AKAP9: variants seen among roughly 807,000 people sequenced by gnomAD.
The protein encoded by AKAP9 is A-kinase anchor protein 9.
Under a neutral mutation model 488.5 loss-of-function variants are expected in AKAP9, and 311 were observed. The observed-to-expected ratio is 0.64, with a 90% CI of 0.58 to 0.70. The LOEUF is 0.70. AKAP9 is among the 30% of genes least tolerant of loss of function. AKAP9 has a pLI of 0.00. For missense variants in AKAP9, 4,215 were observed against 4,374.5 expected, an observed-to-expected ratio of 0.96 and a Z score of 1.03; for synonymous variants, 1,462 against 1,483.5, an observed-to-expected ratio of 0.99 and a Z score of 0.33.
chr7:91,981,603 CTT>C (rs532220900), intron 3 of AKAP9, among the ~76,000 whole-genome samples: 260 of 106,616 alleles, frequency 2.4e-3, no homozygotes, highest in African/African-American at 6.7e-3. Context: ...TCTTGTATTT[CTT>C]TTTTTTTTTT....
chr7:92,037,841 CTA>C (rs1249178089), intron 16 of AKAP9, among the ~76,000 whole-genome samples: 2 of 152,174 alleles, frequency 1.3e-5, no homozygotes, highest in Non-Finnish European at 2.9e-5. Context: ...TGGAATCACT[CTA>C]AATGTCCAAT....
intron 3 of AKAP9, among the ~76,000 whole-genome samples, chr7:91,982,940 T>C (rs998510210): frequency 1.3e-5 from 2 of 152,192 alleles, no homozygotes; most frequent in Admixed American, 1.3e-4. Flanking sequence ...TGATGACCAG[T>C]GTTGATCATT....
At chr7:92,042,344 C>G (rs114496499) in intron 19 of AKAP9, among the ~76,000 whole-genome samples, 158 bp downstream of exon 19, 60 of 152,306 alleles carry the variant, frequency 3.9e-4, no homozygotes, top group African/African-American at 1.4e-3. Context: ...AAATGCCTTA[C>G]ATTTCATTTA....
rs781744583 is a variant in AKAP9 at position 92,097,286 on chromosome 7, T to C, written c.10327T>C (p.Phe3443Leu). 6.8e-6 allele frequency: 11 copies of C among 1,613,926 alleles called. No homozygotes were observed. In the Admixed American group the frequency reaches 1.8e-4, roughly 27 times the overall value. The change falls in exon 41 of 50, where the codon TTC (phenylalanine) becomes CTC (leucine). Residue 3443 changes from phenylalanine (F) to leucine (L), a missense_variant. Phe to Leu is a conservative substitution (Grantham distance 22, BLOSUM62 0). Transcript: ENST00000356239. Reference sequence around the variant, plus strand: ...GCGACTACAAGGAATCATGCAGGAATTCCAGAAGCAAGAACTAGAACGAGA... The same window carrying C: ...GCGACTACAAGGAATCATGCAGGAACTCCAGAAGCAAGAACTAGAACGAGA... Reference protein sequence around the residue: ...GQRLQGIMQEFQKQELEREEK... With the variant: ...GQRLQGIMQELQKQELEREEK...
intron 1 of AKAP9, among the ~76,000 whole-genome samples, chr7:91,948,605 C>CTTTTTT (rs55928500): frequency 4.6e-4 from 49 of 107,538 alleles, no homozygotes; most frequent in Non-Finnish European, 7.3e-4. Context: ...TTGTAGATTT[C>CTTTTTT]TTTTTTTTTT....
chr7:91,993,169 C>A (rs1274302200), intron 5 of AKAP9, 114 bp downstream of exon 5: 6 of 1,066,014 alleles, frequency 5.6e-6, no homozygotes, highest in Middle Eastern at 2.7e-4. Context: ...TAACTTTTTT[C>A]TTTTCTTTTC....
chr7:92,003,710 G>GA (rs959405247), intron 8 of AKAP9, among the ~76,000 whole-genome samples: 33 of 149,382 alleles, frequency 2.2e-4, no homozygotes, highest in Admixed American at 1.2e-3. Flanking sequence ...TTTCCTGGGA[G>GA]AAAAAAAAAC....
In AKAP9 at chr7:92,107,402, C is replaced by T; in HGVS notation, c.11526C>T (p.Ser3842=). Reference sequence around the variant, plus strand: ...GATCAGATCTGGACTATATTAGGTCCCCTTTACCATTTCAGAATAGGTAAG... The same window carrying T: ...GATCAGATCTGGACTATATTAGGTCTCCTTTACCATTTCAGAATAGGTAAG... ...RSRSDLDYIR[S]PLPFQNRYPG... is the part of the protein sequence containing the mutation. The change falls in exon 48 of 50, where the codon TCC becomes TCT. Residue 3842 remains serine, a synonymous_variant. Coordinates refer to ENST00000356239, the MANE Select transcript of AKAP9 (RefSeq NM_005751.5). 1.2e-6 allele frequency: 2 copies of T among 1,613,570 alleles called. No homozygotes were observed. Among genetic ancestry groups the T allele is most frequent in the Non-Finnish European group, 1.7e-6 (2 of 1,179,832 alleles).
chr7:92,042,534 A>G lies in AKAP9; in HGVS notation c.5059-134A>G, dbSNP rs1172797049. On this transcript the variant is annotated intron_variant, in intron 19 of 49. Transcript: ENST00000356239. The stretch of plus-strand genomic sequence containing the variant: ...AATCTCGAGTGTAGTTAAATATTAT[A>G]CCAACCAGTATCAATTTTGTGCACA... 13 of 667,976 alleles carry G rather than the reference A, an allele frequency of 1.9e-5. No individual in the cohort carries two copies. In the Admixed American group the frequency reaches 2.7e-4, roughly 14 times the overall value. 41.4% of individuals were successfully genotyped at this position (667,976 alleles called of 1,614,324 possible).
chr7:92,084,744 T>G, intron 34 of AKAP9, 41 bp downstream of exon 34: 2 of 1,607,962 alleles, frequency 1.2e-6, no homozygotes, highest in Non-Finnish European at 1.7e-6. Context: ...AGTAGTTGTT[T>G]AAGAAATAAT....
chr7:92,007,532 T>C (rs1350221635), intron 8 of AKAP9, among the ~76,000 whole-genome samples: 2 of 152,162 alleles, frequency 1.3e-5, no homozygotes, highest in Non-Finnish European at 2.9e-5. Flanking sequence ...TAAAACAATG[T>C]AAATAAAATT....
chr7:91,966,955 G>A (rs1717193160), intron 1 of AKAP9, among the ~76,000 whole-genome samples: 1 of 152,002 alleles, frequency 6.6e-6, no homozygotes, highest in Admixed American at 6.6e-5. Flanking sequence ...CCACAAACAT[G>A]GATTTCTTTC....
At chr7:91,971,581 T>C (rs1456951840) in intron 1 of AKAP9, among the ~76,000 whole-genome samples, 1 of 144,820 alleles carries the variant, frequency 6.9e-6, no homozygotes, top group Non-Finnish European at 1.5e-5. Flanking sequence ...TTTTTTTTTT[T>C]TTTTGAGACG....
Position 92,066,565 on chromosome 7 carries a change from T to C in AKAP9, c.6330+19T>C, listed in dbSNP as rs376744370. 908 of 1,612,952 alleles carry C rather than the reference T, an allele frequency of 5.6e-4. 14 individuals are homozygous for C. The South Asian group carries it at 8.7e-3, about 15-fold the overall frequency. The stretch of plus-strand genomic sequence containing the variant: ...TAGAGAGGTAAGAACTTCACTGATA[T>C]TGCCCAACTTACAGTAATTTGTATC... On this transcript the variant is annotated intron_variant, in intron 26 of 49. Coordinates refer to ENST00000356239, the MANE Select transcript of AKAP9 (RefSeq NM_005751.5).
At position 91,940,914 on chromosome 7, in the gene AKAP9, C is replaced by T; in HGVS notation, c.-186C>T. 1.5e-6 allele frequency: 1 copy of T among 657,678 alleles called. No individual in the cohort carries two copies. Among genetic ancestry groups the T allele is most frequent in the Non-Finnish European group, 2.7e-6 (1 of 369,806 alleles). The allele number at this position is 657,678 out of a possible 1,614,324, so 40.7% of individuals were successfully genotyped here. A position where few individuals can be genotyped will look rare whatever the true frequency, so the allele number is the denominator to read the frequency against. On this transcript the variant is annotated 5_prime_UTR_variant, in exon 1 of 50. Transcript: ENST00000356239. ...CGGCGGCGGCGGTGACGGCGCTTCCCGTGCGGCTGAGGACGATCCGCCAGT... is the reference window on the plus strand; with the variant it reads ...CGGCGGCGGCGGTGACGGCGCTTCCTGTGCGGCTGAGGACGATCCGCCAGT...
At chr7:92,020,330 A>C (rs912459099) in intron 12 of AKAP9, among the ~76,000 whole-genome samples, 1 of 152,128 alleles carries the variant, frequency 6.6e-6, no homozygotes, top group Non-Finnish European at 1.5e-5. Flanking sequence ...CCCTTTCTGC[A>C]TAATACTGCC....
intron 1 of AKAP9, among the ~76,000 whole-genome samples, chr7:91,958,249 G>C (rs1013032760): frequency 1.2e-4 from 18 of 152,186 alleles, no homozygotes; most frequent in African/African-American, 4.3e-4. Flanking sequence ...AGGGAATAAT[G>C]TATAATGTAG....
intron 4 of AKAP9, among the ~76,000 whole-genome samples, chr7:91,992,491 G>A (rs959071590): frequency 3.3e-5 from 5 of 151,626 alleles, no homozygotes; most frequent in African/African-American, 7.3e-5. Context: ...AGGTGAAACC[G>A]CATCTCTACT....
At chr7:92,082,485 T>A (rs751594509) in intron 31 of AKAP9, 37 bp from the exon 32 acceptor site, 35 of 1,605,742 alleles carry the variant, frequency 2.2e-5, no homozygotes, top group African/African-American at 5.3e-5. Context: ...ATATTTTTTT[T>A]AAATTATGTG....
Sources: gnomAD v4.1 joint callset for allele counts (sites outside exome capture counted in the v4.1 genomes callset) on GRCh38, gnomAD v4.1.1 for gene constraint, MANE v1.5 for transcripts, NCBI Gene and HGNC (gene_info 2026-07-23, HGNC 2026-07-21) for gene names.